ANK2: variants seen among roughly 807,000 people sequenced by gnomAD.
ANK2 encodes ankyrin 2.
Under a neutral mutation model 360.5 loss-of-function variants are expected in ANK2, and 83 were observed. The observed-to-expected ratio is 0.23, with a 90% CI of 0.19 to 0.28. The LOEUF is 0.28. Among genes scored for constraint, ANK2 ranks in the 10% least tolerant of loss-of-function variants. ANK2 has a pLI of 1.00. For missense variants in ANK2, 4,201 were observed against 4,795.7 expected (o/e 0.88, Z 3.66); for synonymous variants, 1,740 against 1,759.5 (o/e 0.99, Z 0.28).
chr4:113,170,390 G>C (rs1374091242), intron 1 of ANK2, among the ~76,000 whole-genome samples: 2 of 152,078 alleles, frequency 1.3e-5, no homozygotes, highest in Non-Finnish European at 2.9e-5. Flanking sequence ...GACCATTCTT[G>C]TCTCTGTACT....
chr4:113,323,167 C>A (rs983443896), intron 26 of ANK2, among the ~76,000 whole-genome samples: 4 of 152,018 alleles, frequency 2.6e-5, no homozygotes, highest in Non-Finnish European at 5.9e-5. Context: ...AGGAAGACAG[C>A]AATCTCCAAA....
At chr4:113,301,403 A>G (rs1360060182) in intron 22 of ANK2, among the ~76,000 whole-genome samples, 1 of 151,846 alleles carries the variant, frequency 6.6e-6, no homozygotes, top group Non-Finnish European at 1.5e-5. Flanking sequence ...ACACACACAC[A>G]CACACACACA....
At chr4:112,952,167 T>A (rs2095064543) in intron 2 of ANK2, among the ~76,000 whole-genome samples, 1 of 152,206 alleles carries the variant, frequency 6.6e-6, no homozygotes, top group South Asian at 2.1e-4. Context: ...AACCTGGATT[T>A]GGGGACAGAT....
chr4:113,382,213 A>G lies in ANK2; in HGVS notation c.*742A>G, dbSNP rs2097183895. The G allele has an allele frequency of 6.3e-6, 1 of 159,738 alleles. No homozygotes were observed. The highest frequency in any genetic ancestry group is 2.4e-5 in the African/African-American group (1 of 41,498). 9.9% of individuals were successfully genotyped at this position (159,738 alleles called of 1,614,324 possible). On this transcript the variant is annotated 3_prime_UTR_variant, in exon 46 of 46. Coordinates refer to ENST00000357077, the MANE Select transcript of ANK2 (RefSeq NM_001148.6). ...CACTTCAAACCTATTATGTCCTTAG[A>G]ACTTCCAGAGTAGCCACTGCTCCCA...
chr4:112,716,321 T>G, the ANK2 span, among the ~76,000 whole-genome samples: 1 of 152,116 alleles, frequency 6.6e-6, no homozygotes, highest in African/African-American at 2.4e-5. Context: ...GTCTCGAACT[T>G]CTATTCTCAA....
At chr4:112,955,975 C>T (rs1040563433) in intron 2 of ANK2, among the ~76,000 whole-genome samples, 1 of 152,164 alleles carries the variant, frequency 6.6e-6, no homozygotes, top group Non-Finnish European at 1.5e-5. Context: ...CCACAAAAAT[C>T]ATTAAAGTAA....
chr4:112,955,680 A>T (rs1389308942), intron 2 of ANK2, among the ~76,000 whole-genome samples: 2 of 152,156 alleles, frequency 1.3e-5, no homozygotes, highest in African/African-American at 4.8e-5. Context: ...TTGAAAACAA[A>T]TATGCTATAT....
intron 4 of ANK2, among the ~76,000 whole-genome samples, chr4:113,213,090 T>A (rs1331205987): frequency 6.6e-6 from 1 of 152,222 alleles, no homozygotes; most frequent in Non-Finnish European, 1.5e-5. Flanking sequence ...GAATGAAGAT[T>A]CTCATCTTAG....
At chr4:112,964,136 G>A (rs2154262195) in intron 2 of ANK2, among the ~76,000 whole-genome samples, 1 of 145,756 alleles carries the variant, frequency 6.9e-6, no homozygotes, top group East Asian at 2.0e-4. Context: ...CATTTATGGG[G>A]CACACGAGAT....
intron 1 of ANK2, among the ~76,000 whole-genome samples, chr4:113,135,979 C>G (rs2096384920): frequency 6.6e-6 from 1 of 152,054 alleles, no homozygotes; most frequent in Non-Finnish European, 1.5e-5. Context: ...ATGCATTTGT[C>G]TCTTTTTATT....
intron 4 of ANK2, among the ~76,000 whole-genome samples, chr4:113,224,175 T>C (rs1388005235): frequency 6.6e-6 from 1 of 152,188 alleles, no homozygotes; most frequent in Middle Eastern, 3.2e-3. Context: ...ATGTCCTCCA[T>C]TCAAGAGGAG....
chr4:112,807,198 C>G, the ANK2 span, among the ~76,000 whole-genome samples: 158 of 152,352 alleles, frequency 1.0e-3, no homozygotes, highest in African/African-American at 3.2e-3. Flanking sequence ...TGTGCTGCAA[C>G]TCTGTTCCTG....
intron 1 of ANK2, among the ~76,000 whole-genome samples, chr4:113,128,623 G>C (rs554858831): frequency 9.2e-5 from 14 of 152,216 alleles, no homozygotes; most frequent in African/African-American, 3.4e-4. Context: ...CCGAGTAGCT[G>C]GGATTACAGG....
Position 113,081,058 on chromosome 4 carries a change from C to A in ANK2, c.84+31246C>A, listed in dbSNP as rs1246889154. Among the ~76,000 whole-genome samples, 6 of 152,096 alleles carry A rather than the reference C, an allele frequency of 3.9e-5. No individual in the cohort carries two copies. The East Asian group carries it at 1.2e-3, about 29-fold the overall frequency. On this transcript the variant is annotated intron_variant, in intron 1 of 45. Transcript: ENST00000357077. ...TCAAGCTCTTCAAAGGCATTACTTA[C>A]AAAATATGTATTATTCTTATCAGAC...
At chr4:112,873,843 C>A (rs2074106409) in intron 1 of ANK2, among the ~76,000 whole-genome samples, 1 of 150,922 alleles carries the variant, frequency 6.6e-6, no homozygotes, top group African/African-American at 2.4e-5. Flanking sequence ...TGCCCGGCCC[C>A]TGTTATTGGT....
intron 22 of ANK2, 22 bp downstream of exon 22, chr4:113,293,560 G>A: frequency 6.3e-7 from 1 of 1,588,648 alleles, no homozygotes; most frequent in Non-Finnish European, 8.6e-7. Context: ...TGACTGACTA[G>A]CTTCAGCCCT....
rs555495394 is a variant in ANK2, at chr4:113,144,123, A to G, written c.85-30293A>G. Among the ~76,000 whole-genome samples, 8 of 152,300 alleles carry G rather than the reference A, an allele frequency of 5.3e-5. No individual in the cohort carries two copies. The South Asian group carries it at 1.4e-3, about 28-fold the overall frequency. On this transcript the variant is annotated intron_variant, in intron 1 of 45. Coordinates refer to ENST00000357077, the MANE Select transcript of ANK2 (RefSeq NM_001148.6). Reference sequence around the variant, plus strand: ...TTTTGGTTCAGTCAGTAATTTGTAAAACATGATTTTAAGAGATGCCTTCAC... The same window carrying G: ...TTTTGGTTCAGTCAGTAATTTGTAAGACATGATTTTAAGAGATGCCTTCAC...
chr4:113,061,382 A>G (rs563152704), intron 1 of ANK2, among the ~76,000 whole-genome samples: 2 of 152,138 alleles, frequency 1.3e-5, no homozygotes, highest in Admixed American at 1.3e-4. Context: ...GCTTTTTCCC[A>G]GTAATAATTT....
chr4:113,380,837 C>T (rs2097147868), intron 45 of ANK2, among the ~76,000 whole-genome samples: 1 of 152,168 alleles, frequency 6.6e-6, no homozygotes, highest in Admixed American at 6.5e-5. Flanking sequence ...CCCTTCCTCC[C>T]CCACCATCTC....
Sources: gnomAD v4.1 joint callset for allele counts (sites outside exome capture counted in the v4.1 genomes callset) on GRCh38, gnomAD v4.1.1 for gene constraint, MANE v1.5 for transcripts, NCBI Gene and HGNC (gene_info 2026-07-23, HGNC 2026-07-21) for gene names.